The following CENPP variants were observed in gnomAD, a reference collection of about 807,000 sequenced individuals.
The protein encoded by CENPP is centromere protein P.
CENPP carries 24 observed loss-of-function variants against 35.6 expected under a neutral mutation model. The observed-to-expected ratio is 0.67, with a 90% CI of 0.49 to 0.95. The LOEUF (loss-of-function observed/expected upper bound fraction) is 0.95, where lower values mean the gene tolerates loss of function less well. CENPP is among the 40% of genes least tolerant of loss of function. The pLI, the probability that CENPP is intolerant of heterozygous loss-of-function variation, is 0.00. For missense variants in CENPP, 332 were observed against 345.3 expected, an observed-to-expected ratio of 0.96 and a Z score of 0.31; for synonymous variants, 120 against 125.5, an observed-to-expected ratio of 0.96 and a Z score of 0.29.
intron 5 of CENPP, among the ~76,000 whole-genome samples, chr9:92,556,142 G>C (rs1470958287): frequency 2.0e-5 from 3 of 152,032 alleles, no homozygotes; most frequent in Non-Finnish European, 4.4e-5. Context: ...TTTCATTTTT[G>C]ACCTAATGCT....
intron 4 of CENPP, among the ~76,000 whole-genome samples, chr9:92,349,739 A>G (rs1446012008): frequency 1.3e-5 from 2 of 152,208 alleles, no homozygotes; most frequent in Non-Finnish European, 2.9e-5. Context: ...AGTGTATAAT[A>G]TAGCATATTA....
In CENPP at chr9:92,442,862, AC is replaced by A. The variant is rs949759826; in HGVS notation, c.564+63004del. Among the ~76,000 whole-genome samples the A allele has an allele frequency of 6.6e-5, 10 of 152,136 alleles. No homozygotes were observed. In the East Asian group the frequency reaches 9.7e-4, roughly 15 times the overall value. ...AGACTCCTTCTCAAAAAAAAAAAAA[AC>A]ATTGGATACAATTAAATACACCATT... is the stretch of plus-strand genomic sequence containing the variant. On this transcript the variant is annotated intron_variant, in intron 5 of 7. Coordinates refer to ENST00000375587, the MANE Select transcript of CENPP (RefSeq NM_001012267.3).
Position 92,454,828 on chromosome 9 carries a change from C to T in CENPP, c.564+74969C>T, listed in dbSNP as rs539776225. ...ATTTCCAAGGCAAAGTTCTGCAACC[C>T]GGGACACTGCTGGTTCTAGCACTAC... On this transcript the variant is annotated intron_variant, in intron 5 of 7. Coordinates refer to ENST00000375587, the MANE Select transcript of CENPP (RefSeq NM_001012267.3). Among the ~76,000 whole-genome samples, 9 of 152,216 alleles carry T rather than the reference C, an allele frequency of 5.9e-5. No individual in the cohort carries two copies. In the East Asian group the frequency reaches 9.7e-4, roughly 16 times the overall value.
intron 5 of CENPP, among the ~76,000 whole-genome samples, chr9:92,533,320 A>ATATATATGT (rs1563991340): frequency 6.5e-5 from 6 of 92,470 alleles, no homozygotes; most frequent in African/African-American, 2.6e-4. Flanking sequence ...AAAAAAAAAA[A>ATATATATGT]AAAAAAAAAT....
intron 5 of CENPP, among the ~76,000 whole-genome samples, chr9:92,404,317 T>C (rs1843235692): frequency 6.6e-6 from 1 of 152,200 alleles, no homozygotes; most frequent in Non-Finnish European, 1.5e-5. Context: ...TGCAGCACCC[T>C]ATTCTTGCCT....
intron 5 of CENPP, chr9:92,474,937 C>A: frequency 6.5e-7 from 1 of 1,547,114 alleles, no homozygotes; most frequent in Non-Finnish European, 8.7e-7. Flanking sequence ...ACTAAACAGA[C>A]ATGGGATATT....
chr9:92,337,010 A>G (rs187758669), intron 2 of CENPP, among the ~76,000 whole-genome samples: 2 of 152,286 alleles, frequency 1.3e-5, no homozygotes, highest in South Asian at 2.1e-4. Flanking sequence ...ACTACTTACC[A>G]TAACTTTTGG....
chr9:92,509,318 T>C (rs1847196996), intron 5 of CENPP, among the ~76,000 whole-genome samples: 1 of 152,228 alleles, frequency 6.6e-6, no homozygotes, highest in Admixed American at 6.5e-5. Context: ...GAAGAGCATG[T>C]GCTTTCTTTG....
chr9:92,600,350 TC>T, intron 5 of CENPP: 1 of 1,540,846 alleles, frequency 6.5e-7, no homozygotes, highest in Non-Finnish European at 8.7e-7. Flanking sequence ...CCCCAGCTCT[TC>T]GTTTTAAAAA....
chr9:92,483,449 C>T (rs910020257), intron 5 of CENPP, among the ~76,000 whole-genome samples: 3 of 152,060 alleles, frequency 2.0e-5, no homozygotes, highest in Non-Finnish European at 2.9e-5. Flanking sequence ...AGGATGGTCT[C>T]GATCTCCTGA....
rs544556120 is a variant in CENPP at position 92,454,303 on chromosome 9, T to A, written c.564+74444T>A. 2.6e-5 allele frequency among the ~76,000 whole-genome samples: 4 copies of A among 152,340 alleles called. No individual in the cohort carries two copies. The South Asian group carries it at 8.3e-4, about 32-fold the overall frequency. ...ATTTCAAGAATCATTTCCAGTATTT[T>A]AAAATTTTGGTTTTGTCTTTTCTTT... On this transcript the variant is annotated intron_variant, in intron 5 of 7. Transcript: ENST00000375587.
intron 4 of CENPP, among the ~76,000 whole-genome samples, chr9:92,377,402 A>G (rs1000185082): frequency 1.3e-5 from 2 of 152,180 alleles, no homozygotes; most frequent in African/African-American, 2.4e-5. Context: ...AAGACAAACA[A>G]TTCCTTGAGA....
intron 5 of CENPP, among the ~76,000 whole-genome samples, chr9:92,467,870 T>C (rs1440624753): frequency 6.6e-6 from 1 of 152,160 alleles, no homozygotes; most frequent in Non-Finnish European, 1.5e-5. Flanking sequence ...ACTGGTAAAA[T>C]ATCCTCGTTT....
chr9:92,462,520 G>C (rs1203633272), intron 5 of CENPP, among the ~76,000 whole-genome samples: 1 of 152,156 alleles, frequency 6.6e-6, no homozygotes, highest in Non-Finnish European at 1.5e-5. Context: ...TGGTTAGCTA[G>C]CTGGAAAATG....
intron 5 of CENPP, among the ~76,000 whole-genome samples, chr9:92,559,594 G>T (rs1489538505): frequency 6.6e-6 from 1 of 152,182 alleles, no homozygotes; most frequent in Non-Finnish European, 1.5e-5. Flanking sequence ...GCCTCCAGAT[G>T]ATGGTCTCTC....
At chr9:92,349,111 C>T (rs549516106) in intron 4 of CENPP, among the ~76,000 whole-genome samples, 1 of 152,300 alleles carries the variant, frequency 6.6e-6, no homozygotes, top group Non-Finnish European at 1.5e-5. Context: ...CATATTGTCC[C>T]AGCATTTGGA....
At chr9:92,567,409 A>ATATATATATAT (rs1850023349) in intron 5 of CENPP, among the ~76,000 whole-genome samples, 1 of 92,294 alleles carries the variant, frequency 1.1e-5, no homozygotes, top group Non-Finnish European at 2.3e-5. Flanking sequence ...TATATATATA[A>ATATATATATAT]AGTGGTTAGT....
chr9:92,479,929 G>A (rs539267191), intron 5 of CENPP, among the ~76,000 whole-genome samples: 6 of 152,290 alleles, frequency 3.9e-5, no homozygotes, highest in Admixed American at 3.9e-4. Flanking sequence ...ATAATGGAAT[G>A]TCTAGGAGAG....
intron 5 of CENPP, among the ~76,000 whole-genome samples, chr9:92,478,366 T>C (rs1402403788): frequency 6.6e-6 from 1 of 152,198 alleles, no homozygotes; most frequent in East Asian, 1.9e-4. Flanking sequence ...TAATCCTATT[T>C]GTTCTGGTCA....
Sources: allele counts gnomAD v4.1 joint callset (sites outside exome capture counted in the v4.1 genomes callset), GRCh38; gene constraint gnomAD v4.1.1; transcripts MANE v1.5; gene names NCBI Gene and HGNC (gene_info 2026-07-23, HGNC 2026-07-21).